MCTP1: variants seen among roughly 807,000 people sequenced by gnomAD.
The protein encoded by MCTP1 is multiple C2 and transmembrane domain-containing protein 1.
In MCTP1, 69 loss-of-function variants were observed where a neutral mutation model predicts 120.6. That is an observed-to-expected ratio of 0.57 (90% confidence interval 0.47 to 0.70). The LOEUF is 0.70. Ranked by LOEUF, MCTP1 falls within the 30% of genes least tolerant of loss-of-function variation. The pLI is 0.00. For missense variants in MCTP1, 1,203 were observed against 1,248.8 expected, an observed-to-expected ratio of 0.96 and a Z score of 0.55; for synonymous variants, 529 against 493.1, an observed-to-expected ratio of 1.07 and a Z score of -0.96.
At position 94,705,564 on chromosome 5, in the gene MCTP1, A is replaced by G. The variant is rs1754362219; in HGVS notation, c.*1932T>C. The stretch of plus-strand genomic sequence containing the variant: ...CGTGGGAAAGATTATTTTCTTTTGT[A>G]TTTAATACAGTGAATGTGTAGTCAG... On this transcript the variant is annotated 3_prime_UTR_variant, in exon 23 of 23. Coordinates refer to ENST00000515393, the MANE Select transcript of MCTP1 (RefSeq NM_024717.7). 6.7e-6 allele frequency: 1 copy of G among 150,102 alleles called. No individual in the cohort carries two copies. The highest frequency in any genetic ancestry group is 2.4e-5 in the African/African-American group (1 of 40,972). 9.3% of individuals were successfully genotyped at this position (150,102 alleles called of 1,614,324 possible).
intron 2 of MCTP1, among the ~76,000 whole-genome samples, chr5:95,004,205 G>A (rs75570428): frequency 0.02 from 3,025 of 152,286 alleles, 49 homozygotes; most frequent in Non-Finnish European, 0.03. Flanking sequence ...AAATTTTTAA[G>A]TAGCAAGCAT....
At chr5:94,889,009 T>G in intron 11 of MCTP1, 37 bp from the exon 12 acceptor site, 1 of 1,357,254 alleles carries the variant, frequency 7.4e-7, no homozygotes, top group Admixed American at 1.7e-5. Context: ...AAAAGGGAGG[T>G]CCCAAGGAGT....
chr5:94,958,589 A>C (rs548322001), intron 2 of MCTP1, among the ~76,000 whole-genome samples: 1 of 152,360 alleles, frequency 6.6e-6, no homozygotes, highest in African/African-American at 2.4e-5. Flanking sequence ...AGGCAGTATC[A>C]CCACTGATAT....
intron 11 of MCTP1, among the ~76,000 whole-genome samples, chr5:94,890,655 C>G (rs1035301471): frequency 1.4e-4 from 21 of 152,042 alleles, no homozygotes; most frequent in African/African-American, 4.6e-4. Flanking sequence ...AAAACAGATC[C>G]AAATGATAAA....
At chr5:94,980,128 G>C (rs1829071996) in intron 2 of MCTP1, among the ~76,000 whole-genome samples, 1 of 152,076 alleles carries the variant, frequency 6.6e-6, no homozygotes, top group African/African-American at 2.4e-5. Flanking sequence ...TTACCATTTT[G>C]TTGGAATTTA....
intron 2 of MCTP1, among the ~76,000 whole-genome samples, chr5:94,972,757 T>A (rs1455847702): frequency 6.6e-6 from 1 of 152,176 alleles, no homozygotes; most frequent in Non-Finnish European, 1.5e-5. Flanking sequence ...TAGAAAAGCA[T>A]GTTTCTTAAT....
chr5:95,028,603 C>A (rs1839713884), intron 1 of MCTP1, among the ~76,000 whole-genome samples: 1 of 152,138 alleles, frequency 6.6e-6, no homozygotes, highest in Admixed American at 6.5e-5. Context: ...AATAACCTTT[C>A]CGCCTACACA....
At chr5:95,074,887 G>C (rs1753169031) in intron 1 of MCTP1, among the ~76,000 whole-genome samples, 2 of 152,344 alleles carry the variant, frequency 1.3e-5, no homozygotes, top group South Asian at 4.1e-4. Context: ...AATTCAGATA[G>C]GGATGATCCT....
At chr5:95,147,071 A>ATTTAT (rs1233837528) in intron 1 of MCTP1, among the ~76,000 whole-genome samples, 1 of 151,876 alleles carries the variant, frequency 6.6e-6, no homozygotes, top group South Asian at 2.1e-4. Context: ...TTGGGTGCTT[A>ATTTAT]TTTATTTTAT....
intron 10 of MCTP1, 87 bp from the exon 11 acceptor site, chr5:94,894,922 A>G (rs1373673240): frequency 2.6e-6 from 2 of 774,110 alleles, no homozygotes; most frequent in Non-Finnish European, 4.0e-6. Context: ...TGAAACATAA[A>G]TCAATAGAAA....
chr5:95,028,493 C>T (rs1839690214), intron 1 of MCTP1, among the ~76,000 whole-genome samples: 1 of 152,142 alleles, frequency 6.6e-6, no homozygotes, highest in Non-Finnish European at 1.5e-5. Flanking sequence ...AAATTCAGTG[C>T]TCCCAGAATG....
intron 17 of MCTP1, among the ~76,000 whole-genome samples, chr5:94,854,027 A>G (rs73133984): frequency 0.08 from 12,064 of 151,738 alleles, 723 homozygotes; most frequent in African/African-American, 0.17. Context: ...ATGCCCAGAC[A>G]GGTGTCTGGG....
At chr5:94,772,140 C>T (rs1774231079) in intron 19 of MCTP1, among the ~76,000 whole-genome samples, 1 of 152,184 alleles carries the variant, frequency 6.6e-6, no homozygotes, top group South Asian at 2.1e-4. Context: ...CCTTCTCATA[C>T]TTGATGAGCC....
At chr5:95,063,554 A>T (rs987973662) in intron 1 of MCTP1, among the ~76,000 whole-genome samples, 1 of 152,240 alleles carries the variant, frequency 6.6e-6, no homozygotes, top group African/African-American at 2.4e-5. Context: ...CTGCATTTTT[A>T]AAAAGAAGAT....
At chr5:95,255,577 G>A (rs1038464241) in intron 1 of MCTP1, among the ~76,000 whole-genome samples, 4 of 152,106 alleles carry the variant, frequency 2.6e-5, no homozygotes, top group African/African-American at 9.7e-5. Flanking sequence ...AATAGGCGAA[G>A]GTTACAGGTA....
intron 17 of MCTP1, among the ~76,000 whole-genome samples, chr5:94,851,135 T>C (rs929425406): frequency 1.3e-5 from 2 of 152,126 alleles, no homozygotes; most frequent in Non-Finnish European, 2.9e-5. Context: ...CACTAATCTA[T>C]AAAACAGCCC....
chr5:95,004,570 C>T (rs1834314955), intron 2 of MCTP1, among the ~76,000 whole-genome samples: 1 of 152,238 alleles, frequency 6.6e-6, no homozygotes, highest in Non-Finnish European at 1.5e-5. Context: ...CACCTCAGGA[C>T]ATGGCACCCT....
At chr5:95,208,872 T>G (rs1751990841) in intron 1 of MCTP1, among the ~76,000 whole-genome samples, 1 of 152,176 alleles carries the variant, frequency 6.6e-6, no homozygotes, top group Non-Finnish European at 1.5e-5. Context: ...ACTCTCAATT[T>G]TCAATCCACT....
In MCTP1 at chr5:94,927,592, AT is replaced by A. The variant is rs561702877; in HGVS notation, c.1213-3572del. ...ATTGCCTATTTATTATCAGGATATA[AT>A]TTTTTTGTGGAAAGAACTTGATAGT... On this transcript the variant is annotated intron_variant, in intron 6 of 22. Transcript: ENST00000515393. 4.9e-3 allele frequency among the ~76,000 whole-genome samples: 744 copies of A among 152,162 alleles called. 23 individuals are homozygous for A. The highest frequency in any genetic ancestry group is 0.043 in the Admixed American group (655 of 15,282).
Sources: allele counts gnomAD v4.1 joint callset (sites outside exome capture counted in the v4.1 genomes callset), GRCh38; gene constraint gnomAD v4.1.1; transcripts MANE v1.5; gene names NCBI Gene and HGNC (gene_info 2026-07-23, HGNC 2026-07-21).